Variants in SANBR observed in about 807,000 individuals in gnomAD.
SANBR encodes the protein SANT and BTB domain regulator of CSR.
A neutral mutation model predicts 101.8 loss-of-function variants in SANBR; 77 were observed. The ratio of observed to expected loss-of-function variants is 0.76; its 90% CI spans 0.63 to 0.91. The LOEUF (loss-of-function observed/expected upper bound fraction) is 0.91, where lower values mean the gene tolerates loss of function less well. Ranked by LOEUF, SANBR falls within the 40% of genes least tolerant of loss-of-function variation. The probability of loss-of-function intolerance (pLI) is 0.00; values close to 1 mark genes in which losing one functional copy is unlikely to be tolerated. For synonymous variants in SANBR, 279 were observed against 274.7 expected (o/e 1.02, Z -0.15); for missense variants, 875 against 853.0 (o/e 1.03, Z -0.32).
chr2:61,079,158 T>C (rs1184048445), intron 6 of SANBR, among the ~76,000 whole-genome samples: 1 of 152,214 alleles, frequency 6.6e-6, no homozygotes, highest in African/African-American at 2.4e-5. Flanking sequence ...ATTTCTAATG[T>C]GATAAATACT....
chr2:61,075,754 G>C (rs1482781959), intron 5 of SANBR, among the ~76,000 whole-genome samples: 1 of 151,658 alleles, frequency 6.6e-6, no homozygotes, highest in Non-Finnish European at 1.5e-5. Flanking sequence ...ATGCCTAGAA[G>C]CAAACTGTTT....
chr2:61,099,498 C>G (rs536263757), intron 12 of SANBR, among the ~76,000 whole-genome samples: 2 of 152,154 alleles, frequency 1.3e-5, no homozygotes, highest in Non-Finnish European at 2.9e-5. Flanking sequence ...GAGGAAGCAG[C>G]AGACGGAAAT....
chr2:61,103,461 A>G (rs1683393496), intron 12 of SANBR, among the ~76,000 whole-genome samples: 1 of 152,196 alleles, frequency 6.6e-6, no homozygotes, highest in African/African-American at 2.4e-5. Flanking sequence ...CAAACAAAAC[A>G]AGTGAGACTA....
At chr2:61,067,467 G>T (rs529584022) in intron 1 of SANBR, among the ~76,000 whole-genome samples, 22 of 152,352 alleles carry the variant, frequency 1.4e-4, no homozygotes, top group African/African-American at 5.1e-4. Flanking sequence ...GCCGGGTGCA[G>T]TGGCTCACGC....
intron 11 of SANBR, among the ~76,000 whole-genome samples, 175 bp downstream of exon 11, chr2:61,092,762 A>C (rs1682833232): frequency 6.6e-6 from 1 of 152,200 alleles, no homozygotes; most frequent in South Asian, 2.1e-4. Context: ...GCACATTTAG[A>C]GACCAAGGCA....
intron 16 of SANBR, among the ~76,000 whole-genome samples, chr2:61,110,665 C>T (rs1023007671): frequency 6.7e-5 from 10 of 149,552 alleles, no homozygotes; most frequent in South Asian, 2.1e-4. Context: ...GGCGACACAG[C>T]GAGACTCTGT....
At chr2:61,099,528 G>A (rs144378701) in intron 12 of SANBR, among the ~76,000 whole-genome samples, 1 of 152,178 alleles carries the variant, frequency 6.6e-6, no homozygotes, top group African/African-American at 2.4e-5. Flanking sequence ...AGGGAGACTC[G>A]TGAGTTCTGT....
At chr2:61,083,405 T>G (rs1682247287) in intron 8 of SANBR, 91 bp downstream of exon 8, 17 of 932,066 alleles carry the variant, frequency 1.8e-5, no homozygotes, top group Non-Finnish European at 2.4e-5. Context: ...TTCTTTTTTC[T>G]TTTTTCTTTG....
chr2:61,067,477 C>T (rs1467697548), intron 1 of SANBR, among the ~76,000 whole-genome samples: 2 of 152,178 alleles, frequency 1.3e-5, no homozygotes, highest in East Asian at 1.9e-4. Context: ...GTGGCTCACG[C>T]CTGTAATCCC....
intron 11 of SANBR, chr2:61,093,336 C>T (rs1181805314): frequency 6.6e-6 from 1 of 152,184 alleles, no homozygotes; most frequent in Admixed American, 6.5e-5. Flanking sequence ...TGGCTCACGC[C>T]TGTAATCCCA....
At chr2:61,106,439 T>C in intron 13 of SANBR, 124 bp from the exon 14 acceptor site, 1 of 560,948 alleles carries the variant, frequency 1.8e-6, no homozygotes, top group African/African-American at 2.0e-5. Context: ...TGACGTGATA[T>C]CCTTATACTC....
intron 20 of SANBR, among the ~76,000 whole-genome samples, chr2:61,132,279 C>T (rs780366311): frequency 4.6e-5 from 7 of 152,108 alleles, no homozygotes; most frequent in African/African-American, 1.4e-4. Context: ...GATAAGGAAA[C>T]GTGTATCCAG....
At chr2:61,076,828 A>G (rs1332531739) in intron 5 of SANBR, 92 bp from the exon 6 acceptor site, 1 of 880,760 alleles carries the variant, frequency 1.1e-6, no homozygotes, top group African/African-American at 1.7e-5. Flanking sequence ...TTTCAAAAAC[A>G]TCTTGTTCTC....
Position 61,115,985 on chromosome 2 carries a change from A to G in SANBR, c.1751A>G (p.Lys584Arg). Residue 584 changes from lysine to arginine, a missense_variant, in exon 17 of 22, where the codon AAG becomes AGG. Transcript: ENST00000402291. ...ATTGTCTTCTCATTATCAGGGAAAA[A>G]GGAGAAGCCAAAGAAGTTCACTAGA... is the stretch of plus-strand genomic sequence containing the variant. Reference protein sequence around the residue: ...EEEVSKKQRKKEKPKKFTRQP... With the variant: ...EEEVSKKQRKREKPKKFTRQP... 2 of 1,606,598 alleles carry G rather than the reference A, an allele frequency of 1.2e-6. No homozygotes were observed. Among genetic ancestry groups the G allele is most frequent in the Admixed American group, 1.7e-5 (1 of 58,566 alleles).
At chr2:61,095,167 T>C (rs1044561032) in intron 11 of SANBR, among the ~76,000 whole-genome samples, 2 of 152,218 alleles carry the variant, frequency 1.3e-5, no homozygotes, top group African/African-American at 4.8e-5. Flanking sequence ...AATCGGAGTG[T>C]GACATAATCA....
intron 11 of SANBR, 149 bp downstream of exon 11, chr2:61,092,736 C>T (rs113921890): frequency 3.0e-5 from 18 of 607,204 alleles, no homozygotes; most frequent in African/African-American, 7.7e-5. Context: ...CATGGTGGCT[C>T]GTGCCTGTAA....
At chr2:61,108,466 C>T (rs1356854281) in intron 15 of SANBR, 117 bp downstream of exon 15, 11 of 598,974 alleles carry the variant, frequency 1.8e-5, no homozygotes, top group Non-Finnish European at 3.1e-5. Flanking sequence ...GTACATCTTC[C>T]TTTTCAGATT....
chr2:61,119,747 C>A (rs1336598717), intron 20 of SANBR, among the ~76,000 whole-genome samples: 1 of 151,520 alleles, frequency 6.6e-6, no homozygotes, highest in Non-Finnish European at 1.5e-5. Flanking sequence ...CACTTGAACC[C>A]ACGAGTTTGA....
chr2:61,088,571 G>A lies in SANBR; in HGVS notation c.1088+103G>A, dbSNP rs144197112. ...GTCTTACTCTGTCACCCAGGCTGGCGTGCAGTGGTGTGGTCTTGGCTGACT... is the reference window on the plus strand; with the variant it reads ...GTCTTACTCTGTCACCCAGGCTGGCATGCAGTGGTGTGGTCTTGGCTGACT... On this transcript the variant is annotated intron_variant, in intron 10 of 21. Transcript: ENST00000402291. The A allele has an allele frequency of 2.2e-3, 1,568 of 722,430 alleles. 21 individuals carry two copies. In the African/African-American group the frequency reaches 0.026, roughly 12 times the overall value. The allele number at this position is 722,430 out of a possible 1,614,324, so 44.8% of individuals were successfully genotyped here.
Sources: allele counts gnomAD v4.1 joint callset (sites outside exome capture counted in the v4.1 genomes callset), GRCh38; gene constraint gnomAD v4.1.1; transcripts MANE v1.5; gene names NCBI Gene and HGNC (gene_info 2026-07-23, HGNC 2026-07-21).